Variants in MGST1 observed in about 807,000 individuals in gnomAD.
MGST1 encodes the protein microsomal glutathione S-transferase 1.
MGST1 carries 5 observed loss-of-function variants against 8.9 expected under a neutral mutation model. The observed-to-expected ratio is 0.56, with a 90% CI of 0.29 to 1.19. The LOEUF (loss-of-function observed/expected upper bound fraction) is 1.19. MGST1 is among the 50% of genes most tolerant of loss of function. The probability of loss-of-function intolerance (pLI) is 0.08; values close to 1 mark genes in which losing one functional copy is unlikely to be tolerated. For missense variants in MGST1, 182 were observed against 187.4 expected (o/e 0.97, Z 0.17); for synonymous variants, 54 against 67.8 (o/e 0.80, Z 1.00).
intron 4 of MGST1, among the ~76,000 whole-genome samples, chr12:16,541,535 T>G (rs1370359243): frequency 3.3e-5 from 5 of 152,164 alleles, no homozygotes; most frequent in Non-Finnish European, 5.9e-5. Context: ...CCTTCCCCAC[T>G]AACCATACAC....
At chr12:16,529,141 A>G (rs925430123) in intron 4 of MGST1, among the ~76,000 whole-genome samples, 3 of 152,038 alleles carry the variant, frequency 2.0e-5, no homozygotes, top group African/African-American at 7.2e-5. Flanking sequence ...TGCTTCTTAT[A>G]TAAACAATTC....
chr12:16,385,687 GCTTT>G (rs1048638121), intron 1 of MGST1, among the ~76,000 whole-genome samples: 1 of 139,354 alleles, frequency 7.2e-6, no homozygotes, highest in African/African-American at 2.8e-5. Context: ...TTTTCAAAGG[GCTTT>G]CTTTTTTTTT....
intron 4 of MGST1, among the ~76,000 whole-genome samples, chr12:16,554,193 AT>A (rs1418601200): frequency 1.3e-5 from 2 of 152,194 alleles, no homozygotes; most frequent in Non-Finnish European, 2.9e-5. Flanking sequence ...TAAATAGTAA[AT>A]CATCCTTATA....
At chr12:16,468,817 A>G (rs573911384) in intron 4 of MGST1, among the ~76,000 whole-genome samples, 5 of 152,328 alleles carry the variant, frequency 3.3e-5, no homozygotes, top group Admixed American at 6.5e-5. Context: ...GTTAGGACAC[A>G]TGGCTGTCTA....
chr12:16,480,352 A>G (rs915582038), intron 4 of MGST1, among the ~76,000 whole-genome samples: 1 of 151,948 alleles, frequency 6.6e-6, no homozygotes, highest in Non-Finnish European at 1.5e-5. Flanking sequence ...CATGTTGGCC[A>G]GGATGGTCTC....
intron 4 of MGST1, chr12:16,514,109 C>T (rs572014741): frequency 9.2e-5 from 34 of 370,874 alleles, no homozygotes; most frequent in Non-Finnish European, 1.4e-4. Flanking sequence ...TTGCACTCTT[C>T]GACATGGCCT....
chr12:16,409,611 A>T (rs180840032), intron 1 of MGST1, among the ~76,000 whole-genome samples: 3 of 152,250 alleles, frequency 2.0e-5, no homozygotes, highest in Non-Finnish European at 4.4e-5. Context: ...TCCCTAGAAT[A>T]CAGAAGTGTA....
At chr12:16,488,071 T>C (rs1191070030) in intron 4 of MGST1, among the ~76,000 whole-genome samples, 2 of 152,212 alleles carry the variant, frequency 1.3e-5, no homozygotes, top group Admixed American at 6.5e-5. Flanking sequence ...TTTAGAGATA[T>C]TGCAGTAACC....
At chr12:16,523,101 T>C (rs527856547) in intron 4 of MGST1, among the ~76,000 whole-genome samples, 2 of 152,242 alleles carry the variant, frequency 1.3e-5, no homozygotes, top group African/African-American at 2.4e-5. Context: ...TGACAGAATG[T>C]ACTTCTAGAT....
chr12:16,357,583 T>C (rs748960053), intron 2 of MGST1, 22 bp from the exon 3 acceptor site: 5 of 1,597,366 alleles, frequency 3.1e-6, no homozygotes, highest in Middle Eastern at 1.7e-4. Flanking sequence ...GAAATAAGTT[T>C]TTTTTCTTGG....
chr12:16,374,229 A>C (rs888792920), intron 3 of MGST1, among the ~76,000 whole-genome samples: 1 of 152,132 alleles, frequency 6.6e-6, no homozygotes, highest in Non-Finnish European at 1.5e-5. Flanking sequence ...GAAAACTCAG[A>C]AACAGCTGAT....
chr12:16,392,679 T>G (rs939558039), intron 1 of MGST1, among the ~76,000 whole-genome samples: 1 of 152,200 alleles, frequency 6.6e-6, no homozygotes, highest in African/African-American at 2.4e-5. Context: ...CTTTATAGTC[T>G]TCTAGTCATT....
chr12:16,499,524 C>T (rs926005595), intron 4 of MGST1, among the ~76,000 whole-genome samples: 2 of 152,098 alleles, frequency 1.3e-5, no homozygotes, highest in African/African-American at 4.8e-5. Flanking sequence ...AAAAGTTTCT[C>T]TGGCATTCCT....
intron 1 of MGST1, chr12:16,400,008 G>A (rs1940640775): frequency 6.5e-7 from 1 of 1,529,638 alleles, no homozygotes; most frequent in East Asian, 2.3e-5. Context: ...AGGGAGCTCT[G>A]TTAAATCCCA....
chr12:16,559,210 GT>G lies in MGST1; in HGVS notation n.483-30316del, dbSNP rs1942300859. Among the ~76,000 whole-genome samples the G allele has an allele frequency of 6.6e-6, 1 of 152,022 alleles. No individual in the cohort carries two copies. Among genetic ancestry groups the G allele is most frequent in the East Asian group, 1.9e-4 (1 of 5,194 alleles). On this transcript the variant is annotated intron_variant and non_coding_transcript_variant, in intron 4 of 4. Coordinates refer to the MGST1 transcript ENST00000538857. This position sits in a 1 kb window ranked among gnomAD's most constrained non-coding sequence, Gnocchi z 4.1. Reference sequence around the variant, plus strand: ...TCATTTTCATTAAAATCTATCAAGTGTTCTAATTTTTGAAATGTTGTATTTT... The same window carrying G: ...TCATTTTCATTAAAATCTATCAAGTGTCTAATTTTTGAAATGTTGTATTTT...
chr12:16,432,472 C>A (rs1295272602), intron 1 of MGST1, among the ~76,000 whole-genome samples: 2 of 151,902 alleles, frequency 1.3e-5, no homozygotes, highest in Non-Finnish European at 2.9e-5. Flanking sequence ...TTTTTATCTG[C>A]CTAGTCTACC....
intron 1 of MGST1, among the ~76,000 whole-genome samples, chr12:16,392,422 T>G (rs1365127887): frequency 2.0e-5 from 3 of 152,234 alleles, no homozygotes; most frequent in Admixed American, 1.3e-4. Flanking sequence ...CTTTTAGGAC[T>G]GTTGACAAAT....
intron 3 of MGST1, chr12:16,360,432 T>C (rs1415786651): frequency 1.1e-6 from 1 of 906,000 alleles, no homozygotes; most frequent in Non-Finnish European, 1.3e-6. Context: ...AACAATTAAC[T>C]AAAAACTTAA....
intron 4 of MGST1, among the ~76,000 whole-genome samples, chr12:16,553,629 C>G (rs563587464): frequency 6.6e-6 from 1 of 152,108 alleles, no homozygotes; most frequent in East Asian, 1.9e-4. Context: ...GTCACACTTG[C>G]ACATATGACT....
Sources: gnomAD v4.1 joint callset for allele counts (sites outside exome capture counted in the v4.1 genomes callset) on GRCh38, gnomAD v4.1.1 for gene constraint, Gnocchi (gnomAD v3.1) non-coding constraint, MANE v1.5 for transcripts, NCBI Gene and HGNC (gene_info 2026-07-23, HGNC 2026-07-21) for gene names.